The following COG5 variants were observed in gnomAD, a reference collection of about 807,000 sequenced individuals.
COG5 encodes conserved oligomeric Golgi complex subunit 5.
A neutral mutation model predicts 110.4 loss-of-function variants in COG5; 86 were observed. That is an observed-to-expected ratio of 0.78 (90% CI 0.65 to 0.93). The LOEUF is 0.93. Ranked by LOEUF, COG5 falls within the 40% of genes least tolerant of loss-of-function variation. The pLI is 0.00. For missense variants in COG5, 1,077 were observed against 987.0 expected (o/e 1.09, Z -1.22); for synonymous variants, 360 against 334.6 (o/e 1.08, Z -0.83).
intron 6 of COG5, among the ~76,000 whole-genome samples, chr7:107,517,557 G>A (rs1241541834): frequency 2.2e-4 from 34 of 152,016 alleles, no homozygotes; most frequent in Non-Finnish European, 1.5e-5. Flanking sequence ...GATTCTTCAC[G>A]GTTGAATTGA....
intron 3 of COG5, among the ~76,000 whole-genome samples, chr7:107,552,063 C>A (rs551781860): frequency 6.6e-6 from 1 of 152,174 alleles, no homozygotes; most frequent in African/African-American, 2.4e-5. Context: ...ATATTTTAAT[C>A]TTTGAACATC....
At chr7:107,548,046 A>C (rs112430482) in intron 5 of COG5, 65 bp downstream of exon 5, 6 of 1,334,796 alleles carry the variant, frequency 4.5e-6, no homozygotes, top group Admixed American at 1.8e-5. Flanking sequence ...CATACTCTTA[A>C]ATTTTGTCCA....
chr7:107,346,694 AT>A (rs763995718), intron 10 of COG5, among the ~76,000 whole-genome samples: 17 of 147,210 alleles, frequency 1.2e-4, no homozygotes, highest in Admixed American at 3.3e-4. Context: ...ACAGGAGGAT[AT>A]TTTTTTTCTT....
intron 17 of COG5, 124 bp from the exon 18 acceptor site, chr7:107,236,811 A>T (rs1365157067): frequency 2.7e-6 from 2 of 732,382 alleles, no homozygotes; most frequent in Admixed American, 4.1e-5. Flanking sequence ...TAATGGTATA[A>T]AAGACATTAA....
At chr7:107,453,921 T>C (rs1003804305) in intron 6 of COG5, among the ~76,000 whole-genome samples, 3 of 152,172 alleles carry the variant, frequency 2.0e-5, no homozygotes, top group African/African-American at 7.2e-5. Flanking sequence ...CTCTTCAATT[T>C]TGAATAATTC....
Position 107,230,678 on chromosome 7 carries a change from A to G in COG5, c.2105T>C (p.Val702Ala). ...AADFAQMELA[V>A]GPFCRRVSDL... ...AGATACTCGTCTACAGAATGGACCC[A>G]CAGCCAACTCCATCTGAAATATTAA... is the stretch of plus-strand genomic sequence containing the variant. The change falls in exon 19 of 22, where the codon GTG (valine) becomes GCG (alanine). Residue 702 changes from valine to alanine, a missense_variant. By Grantham distance (64) the Val-to-Ala change is moderately conservative (BLOSUM62 0). Transcript: ENST00000297135. 1 of 1,611,220 alleles carries G rather than the reference A, an allele frequency of 6.2e-7. No individual in the cohort carries two copies. Among genetic ancestry groups the G allele is most frequent in the Non-Finnish European group, 8.5e-7 (1 of 1,177,416 alleles).
At position 107,548,184 on chromosome 7, in the gene COG5, C is replaced by T. The variant is rs2129173035; in HGVS notation, c.348-4G>A. The T allele has an allele frequency of 1.2e-6, 2 of 1,613,144 alleles. No individual in the cohort carries two copies. Among genetic ancestry groups the T allele is most frequent in the Non-Finnish European group, 1.7e-6 (2 of 1,179,238 alleles). On this transcript the variant is annotated splice_polypyrimidine_tract_variant and splice_region_variant and intron_variant, in intron 4 of 21. Transcript: ENST00000297135. ...TTCAACAATTTTTGCTTTTATCCTA[C>T]AGGAAAAGAGAGGAGTGAGAATAAA...
chr7:107,506,763 GCT>G (rs1350862474), intron 6 of COG5, among the ~76,000 whole-genome samples: 1 of 152,056 alleles, frequency 6.6e-6, no homozygotes, highest in Non-Finnish European at 1.5e-5. Context: ...CTCCCAGTTG[GCT>G]CACACAGCTG....
rs77154673 is a variant in COG5 at position 107,281,460 on chromosome 7, G to A, written c.1476-61C>T. 2.1e-3 allele frequency: 2,571 copies of A among 1,253,638 alleles called. 47 individuals are homozygous for A. In the African/African-American group the frequency reaches 0.033, roughly 16 times the overall value. The allele number at this position is 1,253,638 out of a possible 1,614,324, so 77.7% of individuals were successfully genotyped here. A position where few individuals can be genotyped will look rare whatever the true frequency, so the allele number is the denominator to read the frequency against. Reference sequence around the variant, plus strand: ...ACATCATTCATCAACAAAGTAAAGAGCAAGATAAAAACTCAAACCCAATAA... The same window carrying A: ...ACATCATTCATCAACAAAGTAAAGAACAAGATAAAAACTCAAACCCAATAA... On this transcript the variant is annotated intron_variant, in intron 13 of 21. Transcript: ENST00000297135.
chr7:107,480,598 T>G (rs367931487), intron 6 of COG5, among the ~76,000 whole-genome samples: 2 of 152,062 alleles, frequency 1.3e-5, no homozygotes, highest in Non-Finnish European at 2.9e-5. Context: ...GAATACAGAA[T>G]TGTAGGTTAG....
intron 14 of COG5, among the ~76,000 whole-genome samples, chr7:107,270,609 C>A (rs939803912): frequency 2.0e-5 from 3 of 150,424 alleles, no homozygotes; most frequent in African/African-American, 7.3e-5. Flanking sequence ...AATCTAGACC[C>A]AAGAAAAGAA....
chr7:107,481,460 G>A (rs1354580968), intron 6 of COG5, among the ~76,000 whole-genome samples: 1 of 152,160 alleles, frequency 6.6e-6, no homozygotes, highest in African/African-American at 2.4e-5. Context: ...AAATACATAT[G>A]GGACTGTAGT....
chr7:107,318,133 T>C (rs1808921773), intron 11 of COG5, among the ~76,000 whole-genome samples: 1 of 152,122 alleles, frequency 6.6e-6, no homozygotes, highest in Non-Finnish European at 1.5e-5. Flanking sequence ...GTTCAAGTGA[T>C]TCCCCTGCCT....
At chr7:107,545,937 A>G (rs923968715) in intron 5 of COG5, among the ~76,000 whole-genome samples, 6 of 152,196 alleles carry the variant, frequency 3.9e-5, no homozygotes, top group African/African-American at 1.4e-4. Context: ...TCAAATGCAC[A>G]TGGAACTTTT....
intron 10 of COG5, among the ~76,000 whole-genome samples, chr7:107,338,124 G>A (rs1177537819): frequency 6.6e-6 from 1 of 151,720 alleles, no homozygotes; most frequent in Non-Finnish European, 1.5e-5. Context: ...AAATCTCAAT[G>A]GCATTTTTAG....
At chr7:107,434,969 TAAAAAA>T in intron 6 of COG5, among the ~76,000 whole-genome samples, 1 of 136,698 alleles carries the variant, frequency 7.3e-6, no homozygotes, top group Admixed American at 7.3e-5. Flanking sequence ...GACTCCGTCT[TAAAAAA>T]AAAAAAAAAG....
intron 6 of COG5, among the ~76,000 whole-genome samples, chr7:107,444,593 T>C (rs1361977654): frequency 6.6e-6 from 1 of 152,220 alleles, no homozygotes; most frequent in Non-Finnish European, 1.5e-5. Context: ...TCATAGCACA[T>C]TGTTAATATC....
chr7:107,322,339 G>C (rs1809375784), intron 11 of COG5, among the ~76,000 whole-genome samples: 2 of 152,160 alleles, frequency 1.3e-5, no homozygotes, highest in Non-Finnish European at 2.9e-5. Context: ...CTATGAACCA[G>C]GAAGCAGGCC....
At chr7:107,506,198 T>C (rs1408739898) in intron 6 of COG5, among the ~76,000 whole-genome samples, 2 of 152,274 alleles carry the variant, frequency 1.3e-5, no homozygotes, top group Non-Finnish European at 2.9e-5. Context: ...GATGATGTAA[T>C]GGACTGTGTT....
Sources: allele counts gnomAD v4.1 joint callset (sites outside exome capture counted in the v4.1 genomes callset), GRCh38; gene constraint gnomAD v4.1.1; transcripts MANE v1.5; gene names NCBI Gene and HGNC (gene_info 2026-07-23, HGNC 2026-07-21).